The following C10orf90 variants were observed in gnomAD, a reference collection of about 807,000 sequenced individuals.
C10orf90 encodes the protein chromosome 10 open reading frame 90, also known as (E2-independent) E3 ubiquitin-conjugating enzyme FATS.
A neutral mutation model predicts 62.5 loss-of-function variants in C10orf90; 56 were observed. The observed-to-expected ratio is 0.90, with a 90% CI of 0.72 to 1.12. C10orf90 has a LOEUF of 1.12. Among genes scored for constraint, C10orf90 ranks in the 50% most tolerant of loss-of-function variants. The pLI, the probability that C10orf90 is intolerant of heterozygous loss-of-function variation, is 0.00. For missense variants in C10orf90, 970 were observed against 880.4 expected, an observed-to-expected ratio of 1.10 and a Z score of -1.29; for synonymous variants, 386 against 340.4, an observed-to-expected ratio of 1.13 and a Z score of -1.47.
chr10:126,456,554 T>C lies in C10orf90; in HGVS notation c.2188+2486A>G, dbSNP rs1859595974. Among the ~76,000 whole-genome samples the C allele has an allele frequency of 6.6e-6, 1 of 152,198 alleles. No individual in the cohort carries two copies. Among genetic ancestry groups the C allele is most frequent in the Non-Finnish European group, 1.5e-5 (1 of 68,034 alleles). On this transcript the variant is annotated intron_variant, in intron 7 of 9. Transcript: ENST00000488181. The surrounding 1 kb of genome is among the most constrained non-coding windows in gnomAD (Gnocchi z 4.9). The stretch of plus-strand genomic sequence containing the variant: ...TCGGGCAAACACCACAGTTGAATGA[T>C]ATAATGAGTGTAATGATGTCGCCCC...
chr10:126,461,711 G>T, intron 5 of C10orf90, 126 bp from the exon 6 acceptor site: 1 of 960,398 alleles, frequency 1.0e-6, no homozygotes, highest in South Asian at 1.6e-5. Flanking sequence ...AATGGGCCTC[G>T]TTAAGCTGAC....
intron 4 of C10orf90, among the ~76,000 whole-genome samples, chr10:126,494,761 A>G (rs1278854467): frequency 6.6e-6 from 1 of 152,258 alleles, no homozygotes; most frequent in African/African-American, 2.4e-5. Context: ...TCTCATCTGT[A>G]TGACTTTCGC....
At chr10:126,562,655 G>C (rs1591100051) in intron 2 of C10orf90, among the ~76,000 whole-genome samples, 2 of 152,116 alleles carry the variant, frequency 1.3e-5, no homozygotes, top group African/African-American at 4.8e-5. Flanking sequence ...GATTCTGAAG[G>C]CACAATCAGT....
chr10:126,560,839 T>C (rs1326660579), intron 2 of C10orf90, among the ~76,000 whole-genome samples: 3 of 152,242 alleles, frequency 2.0e-5, no homozygotes, highest in African/African-American at 4.8e-5. Context: ...TTTCTGGACA[T>C]TGAAACGTGG....
chr10:126,489,981 A>G (rs1339356523), intron 4 of C10orf90, among the ~76,000 whole-genome samples: 4 of 112,862 alleles, frequency 3.5e-5, no homozygotes, highest in Non-Finnish European at 5.2e-5. Flanking sequence ...TACATATAAT[A>G]TATATATAAT....
At chr10:126,576,018 A>C (rs1437624590) in intron 2 of C10orf90, among the ~76,000 whole-genome samples, 1 of 152,122 alleles carries the variant, frequency 6.6e-6, no homozygotes, top group Non-Finnish European at 1.5e-5. Flanking sequence ...AAGGGAAAAG[A>C]TTTAATGAAT....
chr10:126,619,431 G>A (rs1410032887), intron 2 of C10orf90, among the ~76,000 whole-genome samples: 1 of 152,172 alleles, frequency 6.6e-6, no homozygotes, highest in Admixed American at 6.5e-5. Context: ...CATGTCAACT[G>A]CTTCAAATCT....
chr10:126,628,823 T>C (rs1845797783), intron 2 of C10orf90, among the ~76,000 whole-genome samples: 1 of 152,184 alleles, frequency 6.6e-6, no homozygotes, highest in Non-Finnish European at 1.5e-5. Context: ...ACTCTCCATG[T>C]TCCTCACTGG....
intron 2 of C10orf90, among the ~76,000 whole-genome samples, chr10:126,626,058 G>A (rs1019844184): frequency 5.3e-5 from 8 of 151,732 alleles, no homozygotes; most frequent in Admixed American, 5.3e-4. Context: ...GAACCCAGGA[G>A]GCAGAGGTTG....
intron 1 of C10orf90, among the ~76,000 whole-genome samples, chr10:126,665,548 C>G (rs1037955845): frequency 1.3e-5 from 2 of 152,140 alleles, no homozygotes; most frequent in East Asian, 3.9e-4. Flanking sequence ...ATATTGAAAC[C>G]ACTCTGGGAG....
At chr10:126,531,067 A>G (rs977342482) in intron 2 of C10orf90, among the ~76,000 whole-genome samples, 5 of 151,680 alleles carry the variant, frequency 3.3e-5, no homozygotes, top group Non-Finnish European at 5.9e-5. Flanking sequence ...CCAGCTACTC[A>G]GGAGGCTGAG....
chr10:126,440,678 C>A (rs1858248669), intron 7 of C10orf90, among the ~76,000 whole-genome samples: 1 of 152,158 alleles, frequency 6.6e-6, no homozygotes, highest in Non-Finnish European at 1.5e-5. Flanking sequence ...TGCTGGTATC[C>A]ATGGCTGAGA....
chr10:126,552,654 CTTTCCGCTTTGCCACGTGA>C (rs1177728793), intron 2 of C10orf90, among the ~76,000 whole-genome samples: 2 of 152,252 alleles, frequency 1.3e-5, no homozygotes, highest in Non-Finnish European at 2.9e-5. Flanking sequence ...TGGGCATTTC[CTTTCCGCTTTGCCACGTGA>C]TTTACCCAGG....
intron 1 of C10orf90, among the ~76,000 whole-genome samples, chr10:126,649,784 C>A (rs779644793): frequency 3.9e-5 from 6 of 152,180 alleles, no homozygotes; most frequent in African/African-American, 1.4e-4. Context: ...TTCCTCCTCA[C>A]CCAACCAGGT....
intron 2 of C10orf90, among the ~76,000 whole-genome samples, chr10:126,603,438 A>G (rs1013412561): frequency 6.6e-6 from 1 of 152,142 alleles, no homozygotes; most frequent in Non-Finnish European, 1.5e-5. Context: ...GGTCCCTCCC[A>G]TAACATGTGG....
intron 2 of C10orf90, among the ~76,000 whole-genome samples, chr10:126,612,125 A>T (rs951222789): frequency 6.6e-6 from 1 of 152,210 alleles, no homozygotes; most frequent in African/African-American, 2.4e-5. Flanking sequence ...GTTTAAGACC[A>T]GCCTGACCAA....
chr10:126,461,446 G>A lies in C10orf90; in HGVS notation c.1965C>T (p.Asp655=), dbSNP rs146121361. The change falls in exon 6 of 10, where the codon GAC becomes GAT. Residue 655 remains aspartate, a synonymous_variant. Coordinates refer to ENST00000488181, the MANE Select transcript of C10orf90 (RefSeq NM_001350921.2). The part of the protein sequence containing the change: ...DGAGSPGLSE[D]CSESQQTPAR... ...CAGGCGTTTGCTGAGACTCAGAACA[G>A]TCTTCGGACAGGCCAGGGCTCCCTG... 5 of 1,614,086 alleles carry A rather than the reference G, an allele frequency of 3.1e-6. No individual in the cohort carries two copies. The highest frequency in any genetic ancestry group is 4.2e-6 in the Non-Finnish European group (5 of 1,180,040).
intron 2 of C10orf90, among the ~76,000 whole-genome samples, chr10:126,537,189 A>G (rs1340182435): frequency 6.6e-6 from 1 of 152,176 alleles, no homozygotes; most frequent in African/African-American, 2.4e-5. Flanking sequence ...ATAGCCCAGA[A>G]GCAACAAAGG....
chr10:126,552,331 T>G (rs1864654109), intron 2 of C10orf90, among the ~76,000 whole-genome samples: 1 of 152,252 alleles, frequency 6.6e-6, no homozygotes, highest in African/African-American at 2.4e-5. Context: ...GTACTGATTG[T>G]AGCACTAATT....
Sources: allele counts gnomAD v4.1 joint callset (sites outside exome capture counted in the v4.1 genomes callset), GRCh38; gene constraint gnomAD v4.1.1; non-coding constraint Gnocchi (gnomAD v3.1); transcripts MANE v1.5; gene names NCBI Gene and HGNC (gene_info 2026-07-23, HGNC 2026-07-21).